RTKN2: variants seen among roughly 807,000 people sequenced by gnomAD.
RTKN2 encodes the protein rhotekin-2.
In RTKN2, 69 loss-of-function variants were observed where a neutral mutation model predicts 71.5. That is an observed-to-expected ratio of 0.96 (90% confidence interval 0.79 to 1.18). RTKN2 has a LOEUF of 1.18. RTKN2 is among the 50% of genes most tolerant of loss of function. The pLI, the probability that RTKN2 is intolerant of heterozygous loss-of-function variation, is 0.00. For synonymous variants in RTKN2, 236 were observed against 236.5 expected, an observed-to-expected ratio of 1.00 and a Z score of 0.02; for missense variants, 724 against 719.7, an observed-to-expected ratio of 1.01 and a Z score of -0.07.
At position 62,196,103 on chromosome 10, in the gene RTKN2, C is replaced by T; in HGVS notation, c.*1805G>A. On this transcript the variant is annotated 3_prime_UTR_variant, in exon 12 of 12. Coordinates refer to ENST00000373789, the MANE Select transcript of RTKN2 (RefSeq NM_145307.4). Reference sequence around the variant, plus strand: ...AAAACAATTTTCCCTGCAGCATCTTCTAGCTCAATAATTTAGTGGCAATGA... The same window carrying T: ...AAAACAATTTTCCCTGCAGCATCTTTTAGCTCAATAATTTAGTGGCAATGA... The T allele has an allele frequency of 1.0e-6, 1 of 985,212 alleles. No individual in the cohort carries two copies. The highest frequency in any genetic ancestry group is 4.7e-5 in the South Asian group (1 of 21,286). 61.0% of individuals were successfully genotyped at this position (985,212 alleles called of 1,614,324 possible).
rs1382434003 is a variant in RTKN2, at chr10:62,193,612, T to G, written c.*4296A>C. 1 of 985,164 alleles carries G rather than the reference T, an allele frequency of 1.0e-6. No individual in the cohort carries two copies. Among genetic ancestry groups the G allele is most frequent in the Non-Finnish European group, 1.2e-6 (1 of 829,860 alleles). The allele number at this position is 985,164 out of a possible 1,614,324, so 61.0% of individuals were successfully genotyped here. On this transcript the variant is annotated 3_prime_UTR_variant, in exon 12 of 12. Transcript: ENST00000373789. ...AATCCAACTGAGCCAGGATTGCTCA[T>G]TTCTCTCCCCCACTCTGAGGCGCTC...
chr10:62,261,735 T>C (rs1842778091), intron 2 of RTKN2, among the ~76,000 whole-genome samples: 1 of 152,158 alleles, frequency 6.6e-6, no homozygotes, highest in Admixed American at 6.5e-5. Flanking sequence ...CTCTATTACA[T>C]TACATCCTCA....
chr10:62,211,931 T>G (rs577854857), intron 9 of RTKN2, among the ~76,000 whole-genome samples: 10 of 152,282 alleles, frequency 6.6e-5, no homozygotes, highest in Non-Finnish European at 1.5e-4. Flanking sequence ...CCCAAAGTGC[T>G]GGGATTACAG....
downstream of RTKN2, among the ~76,000 whole-genome samples, chr10:62,188,719 T>C (rs1841173021): frequency 6.6e-6 from 1 of 151,646 alleles, no homozygotes; most frequent in Non-Finnish European, 1.5e-5. Context: ...ATTCCCACTA[T>C]ATTTTCTATA....
At position 62,239,695 on chromosome 10, in the gene RTKN2, A is replaced by G; in HGVS notation, c.441T>C (p.Asn147=). ...ATATATCTGTGATTGTTTTATCCACATTCACCACATCAGTATCAAACACAT... is the reference window on the plus strand; with the variant it reads ...ATATATCTGTGATTGTTTTATCCACGTTCACCACATCAGTATCAAACACAT... The part of the protein sequence containing the change: ...GANVFDTDVV[N]VDKTITDICF... Residue 147 remains asparagine, a synonymous_variant, in exon 5 of 12, where the codon AAT becomes AAC. Coordinates refer to ENST00000373789, the MANE Select transcript of RTKN2 (RefSeq NM_145307.4). 4 of 1,580,812 alleles carry G rather than the reference A, an allele frequency of 2.5e-6. No individual in the cohort carries two copies. Among genetic ancestry groups the G allele is most frequent in the Non-Finnish European group, 3.4e-6 (4 of 1,159,610 alleles).
chr10:62,268,734 C>CG lies in RTKN2; in HGVS notation c.-125dup. On this transcript the variant is annotated 5_prime_UTR_variant, in exon 1 of 12. Transcript: ENST00000373789. ...CGTACCAAGTCCCAGTCGCAGGGGC[C>CG]GGGGGCGCAGGAGGAGCCGGGCCGA... The CG allele has an allele frequency of 9.7e-7, 1 of 1,028,910 alleles. No individual in the cohort carries two copies. The highest frequency in any genetic ancestry group is 1.4e-6 in the Non-Finnish European group (1 of 714,070). The allele number at this position is 1,028,910 out of a possible 1,614,324, so 63.7% of individuals were successfully genotyped here.
intron 6 of RTKN2, among the ~76,000 whole-genome samples, chr10:62,224,674 G>A (rs1239097259): frequency 6.6e-6 from 1 of 152,130 alleles, no homozygotes; most frequent in Non-Finnish European, 1.5e-5. Flanking sequence ...CAAAGGAGAT[G>A]AGAAAACTGA....
intron 7 of RTKN2, 100 bp from the exon 8 acceptor site, chr10:62,218,401 G>C: frequency 1.3e-6 from 1 of 756,944 alleles, no homozygotes; most frequent in Non-Finnish European, 2.1e-6. Context: ...ATTTTGTTTT[G>C]CTTTGTACAG....
intron 9 of RTKN2, among the ~76,000 whole-genome samples, chr10:62,206,946 T>G (rs1050793805): frequency 1.3e-5 from 2 of 152,000 alleles, no homozygotes; most frequent in African/African-American, 4.8e-5. Context: ...AGGAAGAATC[T>G]TTGATATGCT....
intron 9 of RTKN2, among the ~76,000 whole-genome samples, chr10:62,208,268 C>G (rs2132842312): frequency 6.6e-6 from 1 of 152,194 alleles, no homozygotes; most frequent in Non-Finnish European, 1.5e-5. Context: ...ATATATGTTA[C>G]TTTTGACTAT....
intron 2 of RTKN2, among the ~76,000 whole-genome samples, chr10:62,246,449 G>C (rs1269330994): frequency 1.3e-5 from 2 of 152,024 alleles, no homozygotes; most frequent in Non-Finnish European, 2.9e-5. Flanking sequence ...GCCTGGAAAA[G>C]TTAATGAACT....
At chr10:62,208,576 T>C (rs1841594159) in intron 9 of RTKN2, among the ~76,000 whole-genome samples, 1 of 152,110 alleles carries the variant, frequency 6.6e-6, no homozygotes, top group African/African-American at 2.4e-5. Flanking sequence ...TTCAAAACGA[T>C]ATTTAAAAAT....
intron 9 of RTKN2, among the ~76,000 whole-genome samples, chr10:62,212,073 C>T (rs1486787667): frequency 6.7e-6 from 1 of 150,324 alleles, no homozygotes; most frequent in East Asian, 2.0e-4. Flanking sequence ...CGAGACCACC[C>T]TGGGCAACAT....
intron 6 of RTKN2, among the ~76,000 whole-genome samples, chr10:62,230,967 T>C (rs1842136093): frequency 6.6e-6 from 1 of 152,186 alleles, no homozygotes; most frequent in South Asian, 2.1e-4. Context: ...ATTTAATTAA[T>C]TATATATAAT....
At chr10:62,203,163 A>G (rs1404185174) in intron 10 of RTKN2, among the ~76,000 whole-genome samples, 1 of 152,192 alleles carries the variant, frequency 6.6e-6, no homozygotes, top group Non-Finnish European at 1.5e-5. Context: ...TCCATCTCAA[A>G]AAATAAAAAT....
chr10:62,229,499 C>T (rs1842104162), intron 6 of RTKN2, among the ~76,000 whole-genome samples: 1 of 152,102 alleles, frequency 6.6e-6, no homozygotes, highest in Non-Finnish European at 1.5e-5. Flanking sequence ...TGGTAGGATA[C>T]AGAAATAAAG....
At chr10:62,231,262 G>A (rs926882155) in intron 6 of RTKN2, among the ~76,000 whole-genome samples, 1 of 152,112 alleles carries the variant, frequency 6.6e-6, no homozygotes, top group African/African-American at 2.4e-5. Flanking sequence ...AAAGAATAAT[G>A]TACTAAATAG....
chr10:62,249,150 G>A (rs1034803021), intron 2 of RTKN2, among the ~76,000 whole-genome samples: 7 of 151,924 alleles, frequency 4.6e-5, no homozygotes, highest in African/African-American at 7.3e-5. Context: ...TCTTTTTTGA[G>A]ATACAGTACC....
intron 2 of RTKN2, among the ~76,000 whole-genome samples, chr10:62,249,036 T>A (rs1842528346): frequency 1.3e-5 from 2 of 152,226 alleles, no homozygotes; most frequent in African/African-American, 4.8e-5. Flanking sequence ...CTATAAAATT[T>A]ATAGCTTCAT....
Sources: gnomAD v4.1 joint callset for allele counts (sites outside exome capture counted in the v4.1 genomes callset) on GRCh38, gnomAD v4.1.1 for gene constraint, MANE v1.5 for transcripts, NCBI Gene and HGNC (gene_info 2026-07-23, HGNC 2026-07-21) for gene names.